Variants in ZNF276 observed in about 807,000 individuals in gnomAD.
The protein encoded by ZNF276 is zinc finger protein 276, also known as centromere protein Z.
In ZNF276, 59 loss-of-function variants were observed where a neutral mutation model predicts 63.9. That is an observed-to-expected ratio of 0.92 (90% CI 0.75 to 1.15). ZNF276 has a LOEUF of 1.15. ZNF276 is among the 50% of genes most tolerant of loss of function. The pLI is 0.00. For missense variants in ZNF276, 1,084 were observed against 843.8 expected (o/e 1.28, Z -3.53); for synonymous variants, 496 against 348.4 (o/e 1.42, Z -4.72).
intron 9 of ZNF276, among the ~76,000 whole-genome samples, chr16:89,735,294 G>A (rs114126949): frequency 0.034 from 5,194 of 151,802 alleles, 246 homozygotes; most frequent in African/African-American, 0.11. Context: ...AGGGGTGGGG[G>A]GGGGCCTGGA....
chr16:89,727,554 G>A (rs1179143077), intron 5 of ZNF276, among the ~76,000 whole-genome samples, 197 bp downstream of exon 5: 2 of 152,194 alleles, frequency 1.3e-5, no homozygotes, highest in African/African-American at 2.4e-5. Context: ...CCGTGCCCTG[G>A]TTGGGACACG....
intron 6 of ZNF276, chr16:89,731,803 G>A (rs1283619484): frequency 6.6e-6 from 1 of 152,232 alleles, no homozygotes; most frequent in Non-Finnish European, 1.5e-5. Flanking sequence ...TTTTGTGTAT[G>A]GATTTTGTGC....
At chr16:89,735,763 G>A (rs987278872) in intron 9 of ZNF276, among the ~76,000 whole-genome samples, 52 of 152,110 alleles carry the variant, frequency 3.4e-4, no homozygotes, top group African/African-American at 1.2e-3. Context: ...CACCATGGCT[G>A]GAGTGCAGTG....
At position 89,738,841 on chromosome 16, in the gene ZNF276, C is replaced by T. The variant is rs756431845; in HGVS notation, c.*595C>T. On this transcript the variant is annotated 3_prime_UTR_variant, in exon 11 of 11. Transcript: ENST00000443381. ...CATGGCCCAGGCAGCTGTCAATTCT[C>T]ATGTCCCCCACATGGCCCAAGGTGG... 7 of 1,614,152 alleles carry T rather than the reference C, an allele frequency of 4.3e-6. No homozygotes were observed. In the Admixed American group the frequency reaches 6.7e-5, roughly 15 times the overall value.
upstream of ZNF276, chr16:89,720,621 C>A: frequency 2.4e-6 from 3 of 1,228,592 alleles, no homozygotes; most frequent in Non-Finnish European, 3.1e-6. Flanking sequence ...CCCGTCCTCG[C>A]CCGGGAACCG....
chr16:89,728,031 A>G (rs2061521487), intron 5 of ZNF276, among the ~76,000 whole-genome samples: 1 of 152,152 alleles, frequency 6.6e-6, no homozygotes, highest in South Asian at 2.1e-4. Context: ...TGGCTGCAAC[A>G]CAGATGCACC....
In ZNF276 at chr16:89,738,876, C is replaced by G. The variant is rs374793201; in HGVS notation, c.*630C>G. 7.1e-5 allele frequency: 114 copies of G among 1,614,126 alleles called. No homozygotes were observed. The highest frequency in any genetic ancestry group is 9.5e-5 in the Non-Finnish European group (112 of 1,180,050). On this transcript the variant is annotated 3_prime_UTR_variant, in exon 11 of 11. Transcript: ENST00000443381. ...ACATGGCCCAAGGTGGGCATCTTGA[C>G]GTTACCTCTGCCACGTGTGAGAAGC... is the stretch of plus-strand genomic sequence containing the variant.
rs754513601 is a variant in ZNF276 at position 89,723,425 on chromosome 16, C to T, written c.722C>T (p.Thr241Ile). The T allele has an allele frequency of 6.2e-7, 1 of 1,613,084 alleles. No homozygotes were observed. Among genetic ancestry groups the T allele is most frequent in the East Asian group, 2.2e-5 (1 of 44,884 alleles). ...VWGCDQGHDY[T>I]MDTSSSCKAF... ...GGCTGCGACCAGGGCCACGACTACACCATGGATACCAGCTCCAGCTGCAAG... is the reference window on the plus strand; with the variant it reads ...GGCTGCGACCAGGGCCACGACTACATCATGGATACCAGCTCCAGCTGCAAG... Residue 241 changes from threonine to isoleucine, a missense_variant, in exon 4 of 11, where the codon ACC becomes ATC. Coordinates refer to ENST00000443381, the MANE Select transcript of ZNF276 (RefSeq NM_001113525.2).
intron 9 of ZNF276, among the ~76,000 whole-genome samples, chr16:89,735,286 G>A (rs2061818540): frequency 6.6e-6 from 1 of 150,768 alleles, no homozygotes; most frequent in Admixed American, 6.6e-5. Context: ...TTTTGGTAAG[G>A]GGTGGGGGGG....
At position 89,727,283 on chromosome 16, in the gene ZNF276, GT is replaced by G; in HGVS notation, c.1013del (p.Leu338TrpfsTer15). 1.2e-6 allele frequency: 2 copies of G among 1,614,160 alleles called. No homozygotes were observed. Among genetic ancestry groups the G allele is most frequent in the Non-Finnish European group, 1.7e-6 (2 of 1,180,028 alleles). ...GCCTTGTTCTTTGTTTCTCAGGGCA[GT>G]TGGGTGAGAAGCAGCTTCCATCTTC... ...SLPLCRAPGQ[L>X]GEKQLPSSTS... On this transcript the variant is annotated frameshift_variant, in exon 5 of 11. Transcript: ENST00000443381. LOFTEE classifies it high-confidence loss of function.
In ZNF276 at chr16:89,740,450, T is replaced by A. The variant is rs971242611; in HGVS notation, c.*2204T>A. On this transcript the variant is annotated 3_prime_UTR_variant, in exon 11 of 11. Transcript: ENST00000443381. ...GGCCAGTTCAAGACCAGCCTGGCAA[T>A]ATGGTGAAACCCCGTCTCTACTAAA... 2 of 454,080 alleles carry A rather than the reference T, an allele frequency of 4.4e-6. No homozygotes were observed. Among genetic ancestry groups the A allele is most frequent in the African/African-American group, 3.9e-5 (2 of 50,802 alleles). The allele number at this position is 454,080 out of a possible 1,614,324, so 28.1% of individuals were successfully genotyped here.
chr16:89,726,417 G>C (rs947992440), intron 4 of ZNF276, among the ~76,000 whole-genome samples: 1 of 152,166 alleles, frequency 6.6e-6, no homozygotes, highest in South Asian at 2.1e-4. Flanking sequence ...GGCTGGTCTC[G>C]ACCTCCCGAC....
rs921021256 is a variant in ZNF276, at chr16:89,740,709, C to G, written c.*2463C>G. 2.4e-5 allele frequency: 24 copies of G among 986,136 alleles called. No homozygotes were observed. The highest frequency in any genetic ancestry group is 1.7e-4 in the Admixed American group (9 of 52,650). 61.1% of individuals were successfully genotyped at this position (986,136 alleles called of 1,614,324 possible). A position where few individuals can be genotyped will look rare whatever the true frequency, so the allele number is the denominator to read the frequency against. On this transcript the variant is annotated 3_prime_UTR_variant, in exon 11 of 11. Transcript: ENST00000443381. ...TCCGCAAACACAAGGAGCTCCTGAG[C>G]TAGTCTGGAAACCCTGACTTGGAAG...
intron 8 of ZNF276, 38 bp from the exon 9 acceptor site, chr16:89,733,883 T>C (rs1716846499): frequency 1.6e-5 from 25 of 1,599,166 alleles, no homozygotes; most frequent in Non-Finnish European, 2.1e-5. Flanking sequence ...GTGGCCCGGG[T>C]GCGGCTCTGA....
intron 9 of ZNF276, among the ~76,000 whole-genome samples, chr16:89,735,432 T>C (rs948701054): frequency 6.6e-6 from 1 of 152,216 alleles, no homozygotes; most frequent in African/African-American, 2.4e-5. Context: ...AGGATTGCTT[T>C]TCACTGCTGG....
chr16:89,721,968 T>A (rs2061299024), intron 1 of ZNF276, 123 bp downstream of exon 1: 1 of 682,196 alleles, frequency 1.5e-6, no homozygotes. Flanking sequence ...CGTAGCGGAC[T>A]CGGGGCTGCG....
At chr16:89,737,938 G>A (rs1166127274) in intron 10 of ZNF276, 33 bp downstream of exon 10, 1 of 1,613,788 alleles carries the variant, frequency 6.2e-7, no homozygotes, top group African/African-American at 1.3e-5. Flanking sequence ...TCCCAGGGCT[G>A]TGGCCCTCGC....
intron 2 of ZNF276, 48 bp downstream of exon 2, chr16:89,722,882 T>C (rs368506332): frequency 6.3e-7 from 1 of 1,574,908 alleles, no homozygotes; most frequent in Non-Finnish European, 8.6e-7. Context: ...AGTACTGCAG[T>C]GTGACGGGTG....
intron 4 of ZNF276, among the ~76,000 whole-genome samples, chr16:89,726,264 T>C (rs368377589): frequency 6.6e-6 from 1 of 151,488 alleles, no homozygotes; most frequent in Admixed American, 6.6e-5. Flanking sequence ...TGGCACGATA[T>C]CAGCTCACCA....
Sources: gnomAD v4.1 joint callset for allele counts (sites outside exome capture counted in the v4.1 genomes callset) on GRCh38, gnomAD v4.1.1 for gene constraint, MANE v1.5 for transcripts, NCBI Gene and HGNC (gene_info 2026-07-23, HGNC 2026-07-21) for gene names.